KIF3C: variants seen among roughly 807,000 people sequenced by gnomAD.
KIF3C encodes kinesin-like protein KIF3C.
A neutral mutation model predicts 67.7 loss-of-function variants in KIF3C; 12 were observed. The observed-to-expected ratio is 0.18, with a 90% confidence interval of 0.11 to 0.29. KIF3C has a LOEUF of 0.29. Ranked by LOEUF, KIF3C falls within the 10% of genes least tolerant of loss-of-function variation. The pLI is 1.00. For missense variants in KIF3C, 789 were observed against 1,059.6 expected (o/e 0.74, Z 3.55); for synonymous variants, 393 against 426.2 (o/e 0.92, Z 0.96).
chr2:25,951,202 C>A (rs1008374242), intron 5 of KIF3C, among the ~76,000 whole-genome samples: 1 of 152,268 alleles, frequency 6.6e-6, no homozygotes, highest in Non-Finnish European at 1.5e-5. Flanking sequence ...GGGAGCCACA[C>A]ACCCAGCCAA....
At chr2:25,964,304 T>A (rs74711598) in intron 1 of KIF3C, among the ~76,000 whole-genome samples, 4,042 of 152,008 alleles carry the variant, frequency 0.027, 74 homozygotes, top group African/African-American at 0.053. Context: ...AAAAATAAAA[T>A]AAATAAAATA....
Position 25,929,961 on chromosome 2 carries a change from C to G in KIF3C, c.2109G>C (p.Arg703Ser), listed in dbSNP as rs372388990. 6.2e-7 allele frequency: 1 copy of G among 1,606,712 alleles called. No homozygotes were observed. The highest frequency in any genetic ancestry group is 8.5e-7 in the Non-Finnish European group (1 of 1,173,320). Residue 703 changes from arginine (R) to serine (S), a missense_variant, in exon 6 of 8, where the codon AGG becomes AGC. By Grantham distance (110) the Arg-to-Ser change is moderately radical. Coordinates refer to ENST00000264712, the MANE Select transcript of KIF3C (RefSeq NM_002254.8). ...TCCCCTCTCCGCTTCTTACCCTGTACCTGGGGTGGGACCCCATTGCCATGG... is the reference window on the plus strand; with the variant it reads ...TCCCCTCTCCGCTTCTTACCCTGTAGCTGGGGTGGGACCCCATTGCCATGG... ...RVAMAMGSHPRYRAENIMFLE... is the reference protein window; with the variant it reads ...RVAMAMGSHPSYRAENIMFLE...
chr2:25,943,764 C>T (rs959490855), intron 5 of KIF3C, among the ~76,000 whole-genome samples: 11 of 151,458 alleles, frequency 7.3e-5, no homozygotes, highest in African/African-American at 2.4e-4. Flanking sequence ...ACTCGGGAGG[C>T]GGAGGCAAGA....
intron 5 of KIF3C, among the ~76,000 whole-genome samples, chr2:25,947,726 G>C (rs1663484703): frequency 6.6e-6 from 1 of 152,038 alleles, no homozygotes; most frequent in Admixed American, 6.6e-5. Context: ...AAAAGTTTAT[G>C]TATAAAAAAA....
chr2:25,953,655 C>T (rs1320016908), intron 4 of KIF3C, among the ~76,000 whole-genome samples: 1 of 145,246 alleles, frequency 6.9e-6, no homozygotes, highest in Non-Finnish European at 1.5e-5. Flanking sequence ...CCACTGCGCC[C>T]GGCCTTTTTT....
intron 7 of KIF3C, 72 bp from the exon 8 acceptor site, chr2:25,929,143 T>C (rs913237952): frequency 1.8e-5 from 26 of 1,456,264 alleles, no homozygotes; most frequent in African/African-American, 9.7e-5. Flanking sequence ...GGTCCTCTCC[T>C]TTGCCCCATC....
intron 1 of KIF3C, among the ~76,000 whole-genome samples, chr2:25,973,717 G>GC (rs1445089271): frequency 6.6e-6 from 1 of 152,082 alleles, no homozygotes; most frequent in Non-Finnish European, 1.5e-5. Context: ...AGCTTAACCT[G>GC]CTTCCATAAT....
At position 25,928,691 on chromosome 2, in the gene KIF3C, T is replaced by A. The variant is rs2090431409; in HGVS notation, c.*287A>T. Reference sequence around the variant, plus strand: ...AAGCCTGAGATCTGACTGGGGGAGCTCTCAAGTCAGAAGAAAAAGAGGCTA... The same window carrying A: ...AAGCCTGAGATCTGACTGGGGGAGCACTCAAGTCAGAAGAAAAAGAGGCTA... On this transcript the variant is annotated 3_prime_UTR_variant, in exon 8 of 8. Coordinates refer to ENST00000264712, the MANE Select transcript of KIF3C (RefSeq NM_002254.8). The A allele has an allele frequency of 7.4e-6, 2 of 269,070 alleles. No homozygotes were observed. The highest frequency in any genetic ancestry group is 9.9e-5 in the Admixed American group (2 of 20,222). The allele number at this position is 269,070 out of a possible 1,614,324, so 16.7% of individuals were successfully genotyped here.
chr2:25,949,419 C>T (rs982657540), intron 5 of KIF3C, among the ~76,000 whole-genome samples: 2 of 151,094 alleles, frequency 1.3e-5, no homozygotes, highest in East Asian at 1.9e-4. Flanking sequence ...ACAAAAAATA[C>T]CAAAAAAAAA....
In KIF3C at chr2:25,955,579, G is replaced by C. The variant is rs1802132; in HGVS notation, c.1732C>G (p.Gln578Glu). 1 of 1,614,046 alleles carries C rather than the reference G, an allele frequency of 6.2e-7. No individual in the cohort carries two copies. The highest frequency in any genetic ancestry group is 8.5e-7 in the Non-Finnish European group (1 of 1,179,954). Residue 578 changes from glutamine (Q) to glutamate (E), a missense_variant, in exon 3 of 8, where the codon CAG becomes GAG. Gln to Glu is a conservative substitution (Grantham distance 29, BLOSUM62 2). Around this residue, in one of 2 missense-constraint regions of KIF3C, gnomAD observed 648 missense variants for 807.8 expected, o/e 0.80. Coordinates refer to ENST00000264712, the MANE Select transcript of KIF3C (RefSeq NM_002254.8). The surrounding 1 kb of genome is among the most constrained non-coding windows in gnomAD (Gnocchi z 5.0). ...TTGGTTTTGACCTCCACCTCCTGCTGCAGGGATGTGTAGGTGCCCCGGAGC... is the reference window on the plus strand; with the variant it reads ...TTGGTTTTGACCTCCACCTCCTGCTCCAGGGATGTGTAGGTGCCCCGGAGC... ...MELRGTYTSL[Q>E]QEVEVKTKKL...
At chr2:25,959,955 T>A (rs1663904807) in intron 1 of KIF3C, among the ~76,000 whole-genome samples, 1 of 152,236 alleles carries the variant, frequency 6.6e-6, no homozygotes, top group African/African-American at 2.4e-5. Flanking sequence ...CTGTCTGGCC[T>A]GGCCTCTGAA....
intron 1 of KIF3C, among the ~76,000 whole-genome samples, chr2:25,973,334 A>G (rs1488390709): frequency 6.6e-6 from 1 of 152,038 alleles, no homozygotes; most frequent in Non-Finnish European, 1.5e-5. Context: ...TGGGTGCATC[A>G]CCTGAGGTCA....
At chr2:25,968,694 C>T (rs1664203842) in intron 1 of KIF3C, among the ~76,000 whole-genome samples, 1 of 152,186 alleles carries the variant, frequency 6.6e-6, no homozygotes, top group Non-Finnish European at 1.5e-5. Flanking sequence ...GTCACACAGC[C>T]TCTAGGCTCC....
chr2:25,934,422 T>C (rs558964058), intron 5 of KIF3C, among the ~76,000 whole-genome samples: 1 of 151,564 alleles, frequency 6.6e-6, no homozygotes, highest in East Asian at 1.9e-4. Flanking sequence ...CTGACAAAAA[T>C]ACAAAAATTA....
At chr2:25,944,711 T>C (rs1574482878) in intron 5 of KIF3C, among the ~76,000 whole-genome samples, 1 of 152,206 alleles carries the variant, frequency 6.6e-6, no homozygotes, top group East Asian at 1.9e-4. Context: ...ATGTTGTACT[T>C]GGTCTTTATT....
chr2:25,963,522 TAGAA>T lies in KIF3C; in HGVS notation c.1546-7082_1546-7079del, dbSNP rs1218542667. On this transcript the variant is annotated intron_variant, in intron 1 of 7. Transcript: ENST00000264712. ...TTTTTGCTTTTTTAGGTGACTTTCT[TAGAA>T]AGGAATTTCAGAAGAGGACAAAGGG... Among the ~76,000 whole-genome samples the T allele has an allele frequency of 6.6e-5, 10 of 151,590 alleles. No homozygotes were observed. In the South Asian group the frequency reaches 1.7e-3, roughly 25 times the overall value.
intron 1 of KIF3C, among the ~76,000 whole-genome samples, chr2:25,963,761 C>T (rs959730572): frequency 6.6e-6 from 1 of 150,814 alleles, no homozygotes; most frequent in Admixed American, 6.6e-5. Flanking sequence ...GGCGTGATCT[C>T]GGCTCACTGC....
In KIF3C at chr2:25,956,336, G is replaced by C. The variant is rs1235775207; in HGVS notation, c.1647+7C>G. 1 of 1,610,764 alleles carries C rather than the reference G, an allele frequency of 6.2e-7. No homozygotes were observed. Among genetic ancestry groups the C allele is most frequent in the Admixed American group, 1.7e-5 (1 of 59,998 alleles). On this transcript the variant is annotated splice_region_variant and intron_variant, in intron 2 of 7. Coordinates refer to ENST00000264712, the MANE Select transcript of KIF3C (RefSeq NM_002254.8). Reference sequence around the variant, plus strand: ...CTCCAAGGGGACCTGGCACCTGGAGGCCCTACCTGCTCGGCAATCTCCTGC... The same window carrying C: ...CTCCAAGGGGACCTGGCACCTGGAGCCCCTACCTGCTCGGCAATCTCCTGC...
chr2:25,930,162 T>A, intron 5 of KIF3C, 99 bp from the exon 6 acceptor site: 1 of 897,688 alleles, frequency 1.1e-6, no homozygotes, highest in Non-Finnish European at 1.8e-6. Flanking sequence ...TAGGAGGCCC[T>A]GCAGACTGCA....
Sources: gnomAD v4.1 joint callset for allele counts (sites outside exome capture counted in the v4.1 genomes callset) on GRCh38, gnomAD v4.1.1 for gene constraint, gnomAD v4.1.1 regional missense constraint, Gnocchi (gnomAD v3.1) non-coding constraint, MANE v1.5 for transcripts, NCBI Gene and HGNC (gene_info 2026-07-23, HGNC 2026-07-21) for gene names.